ZC3H3: variants seen among roughly 807,000 people sequenced by gnomAD.
The protein encoded by ZC3H3 is zinc finger CCCH domain-containing protein 3.
A neutral mutation model predicts 77.3 loss-of-function variants in ZC3H3; 36 were observed. The observed-to-expected ratio is 0.47, with a 90% CI of 0.36 to 0.61. The LOEUF (loss-of-function observed/expected upper bound fraction) is 0.61, where lower values mean the gene tolerates loss of function less well. ZC3H3 is among the 20% of genes least tolerant of loss of function. The pLI is 0.00. For synonymous variants in ZC3H3, 626 were observed against 555.2 expected, an observed-to-expected ratio of 1.13 and a Z score of -1.79; for missense variants, 1,331 against 1,312.2, an observed-to-expected ratio of 1.01 and a Z score of -0.22.
intron 3 of ZC3H3, among the ~76,000 whole-genome samples, chr8:143,518,501 C>A (rs987023682): frequency 6.6e-6 from 1 of 152,262 alleles, no homozygotes; most frequent in Non-Finnish European, 1.5e-5. Context: ...CGACGTGTCC[C>A]GCTCAGACAG....
At chr8:143,455,457 C>T (rs1820091477) in intron 9 of ZC3H3, among the ~76,000 whole-genome samples, 1 of 152,102 alleles carries the variant, frequency 6.6e-6, no homozygotes, top group African/African-American at 2.4e-5. Context: ...GGTTGTGCCA[C>T]TGCACTGCAC....
intron 8 of ZC3H3, among the ~76,000 whole-genome samples, chr8:143,466,275 G>A (rs1213767030): frequency 1.3e-5 from 2 of 152,194 alleles, no homozygotes; most frequent in African/African-American, 4.8e-5. Flanking sequence ...CCACGGGCCA[G>A]CAGCCAACAG....
At chr8:143,528,923 T>C (rs1424803348) in intron 3 of ZC3H3, among the ~76,000 whole-genome samples, 2 of 152,216 alleles carry the variant, frequency 1.3e-5, no homozygotes, top group Non-Finnish European at 2.9e-5. Flanking sequence ...CACAGCACCT[T>C]CTTAACAGGC....
In ZC3H3 at chr8:143,437,950, A is replaced by C. The variant is rs182357403; in HGVS notation, c.*106T>G. On this transcript the variant is annotated 3_prime_UTR_variant, in exon 12 of 12. Coordinates refer to ENST00000262577, the MANE Select transcript of ZC3H3 (RefSeq NM_015117.3). ...GCAGTGTCCCTGTGGCCCCCAGGTGAGGCTTGGTGGCGGGCGGCCCTCCTG... is the reference window on the plus strand; with the variant it reads ...GCAGTGTCCCTGTGGCCCCCAGGTGCGGCTTGGTGGCGGGCGGCCCTCCTG... 337 of 1,458,726 alleles carry C rather than the reference A, an allele frequency of 2.3e-4. No individual in the cohort carries two copies. In the African/African-American group the frequency reaches 4.0e-3, roughly 17 times the overall value. 90.4% of individuals were successfully genotyped at this position (1,458,726 alleles called of 1,614,324 possible).
At chr8:143,537,869 T>G in intron 2 of ZC3H3, 134 bp downstream of exon 2, 1 of 1,021,242 alleles carries the variant, frequency 9.8e-7, no homozygotes, top group South Asian at 1.6e-5. Flanking sequence ...CAGCAGCACT[T>G]CCTGCCTCAT....
chr8:143,461,254 T>C (rs1012572501), intron 9 of ZC3H3, among the ~76,000 whole-genome samples: 3 of 152,174 alleles, frequency 2.0e-5, no homozygotes, highest in East Asian at 1.9e-4. Context: ...AGCACCCAGG[T>C]GCTCTGCGCA....
intron 4 of ZC3H3, among the ~76,000 whole-genome samples, chr8:143,485,800 A>G (rs1821036097): frequency 6.6e-6 from 1 of 152,246 alleles, no homozygotes; most frequent in Non-Finnish European, 1.5e-5. Context: ...GCCAACACCC[A>G]AAGAGGCCCT....
In ZC3H3 at chr8:143,463,621, T is replaced by TC. The variant is rs149662955; in HGVS notation, c.2307+2095dup. Reference sequence around the variant, plus strand: ...GGTGGAGTTTTCTAGTCTCAGAGTCTCCCCCCAGCAAGACGTATCAGCCGG... The same window carrying TC: ...GGTGGAGTTTTCTAGTCTCAGAGTCTCCCCCCCAGCAAGACGTATCAGCCGG... On this transcript the variant is annotated intron_variant, in intron 9 of 11. Coordinates refer to ENST00000262577, the MANE Select transcript of ZC3H3 (RefSeq NM_015117.3). Among the ~76,000 whole-genome samples, 1,112 of 151,950 alleles carry TC rather than the reference T, an allele frequency of 7.3e-3. 5 individuals are homozygous for TC. The highest frequency in any genetic ancestry group is 0.014 in the Middle Eastern group (4 of 294).
chr8:143,516,242 TA>T (rs1301459555), intron 3 of ZC3H3, among the ~76,000 whole-genome samples: 7 of 152,192 alleles, frequency 4.6e-5, no homozygotes, highest in South Asian at 2.1e-4. Flanking sequence ...ATGAGTCTAA[TA>T]AATCACTCCA....
rs558983713 is a variant in ZC3H3, at chr8:143,462,254, G to A, written c.2307+3463C>T. On this transcript the variant is annotated intron_variant, in intron 9 of 11. Coordinates refer to ENST00000262577, the MANE Select transcript of ZC3H3 (RefSeq NM_015117.3). This position sits in a 1 kb window ranked among gnomAD's most constrained non-coding sequence, Gnocchi z 4.7. The stretch of plus-strand genomic sequence containing the variant: ...TATATAAAAGGAGACTGAGGCCAGA[G>A]GAGGAAGTAACCGTGCAGGGACAAG... Among the ~76,000 whole-genome samples, 2 of 152,296 alleles carry A rather than the reference G, an allele frequency of 1.3e-5. No homozygotes were observed. Among genetic ancestry groups the A allele is most frequent in the African/African-American group, 4.8e-5 (2 of 41,566 alleles).
chr8:143,483,681 C>T (rs73715623), intron 4 of ZC3H3, among the ~76,000 whole-genome samples: 3,985 of 152,282 alleles, frequency 0.026, 172 homozygotes, highest in African/African-American at 0.091. Flanking sequence ...AATCTGACTA[C>T]GTGGTGGCCA....
chr8:143,538,115 C>T lies in ZC3H3; in HGVS notation c.1252G>A (p.Asp418Asn), dbSNP rs766127199. 2.5e-6 allele frequency: 4 copies of T among 1,613,050 alleles called. No individual in the cohort carries two copies. In the African/African-American group the frequency reaches 4.0e-5, roughly 16 times the overall value. Residue 418 changes from aspartate to asparagine, a missense_variant, in exon 2 of 12, where the codon GAC becomes AAC. Physicochemically the swap from Asp to Asn is conservative, Grantham distance 23. Transcript: ENST00000262577. ...SPVLSRSPSG[D>N]RPAVGHSGLK... is the part of the protein sequence containing the mutation. Reference sequence around the variant, plus strand: ...CCACTGTGTCCTACTGCTGGTCTGTCCCCCGACGGGGACCTAGACAGGACT... The same window carrying T: ...CCACTGTGTCCTACTGCTGGTCTGTTCCCCGACGGGGACCTAGACAGGACT...
chr8:143,493,862 C>T lies in ZC3H3; in HGVS notation c.1715+13884G>A, dbSNP rs1054667092. On this transcript the variant is annotated intron_variant, in intron 4 of 11. Coordinates refer to ENST00000262577, the MANE Select transcript of ZC3H3 (RefSeq NM_015117.3). The surrounding 1 kb of genome is among the most constrained non-coding windows in gnomAD (Gnocchi z 4.8). The stretch of plus-strand genomic sequence containing the variant: ...AGTGGTTTAAATTGAAAACCCCCAA[C>T]TGAATCAATATTTACTGCATTGAAA... 2.0e-5 allele frequency among the ~76,000 whole-genome samples: 3 copies of T among 152,218 alleles called. No homozygotes were observed. The highest frequency in any genetic ancestry group is 4.4e-5 in the Non-Finnish European group (3 of 68,044).
At chr8:143,454,080 T>C (rs1355304246) in intron 9 of ZC3H3, among the ~76,000 whole-genome samples, 2 of 14 alleles carry the variant, frequency 0.14, no homozygotes, top group Non-Finnish European at 0.5. Context: ...TAACTTTTTC[T>C]TTTTTTTTTT....
intron 4 of ZC3H3, among the ~76,000 whole-genome samples, chr8:143,496,595 G>T (rs62521928): frequency 2.0e-5 from 3 of 152,188 alleles, no homozygotes; most frequent in Non-Finnish European, 4.4e-5. Flanking sequence ...GGGCAAAGGC[G>T]ACAGGGAAAG....
chr8:143,458,936 T>C (rs1402227209), intron 9 of ZC3H3, among the ~76,000 whole-genome samples: 1 of 150,460 alleles, frequency 6.6e-6, no homozygotes, highest in Non-Finnish European at 1.5e-5. Context: ...GCCTGGGCAA[T>C]ATAGCGAGAC....
chr8:143,530,139 CG>C lies in ZC3H3; in HGVS notation c.1561+6117del, dbSNP rs1822555395. Among the ~76,000 whole-genome samples the C allele has an allele frequency of 6.6e-6, 1 of 152,112 alleles. No individual in the cohort carries two copies. Among genetic ancestry groups the C allele is most frequent in the Non-Finnish European group, 1.5e-5 (1 of 68,012 alleles). On this transcript the variant is annotated intron_variant, in intron 3 of 11. Coordinates refer to ENST00000262577, the MANE Select transcript of ZC3H3 (RefSeq NM_015117.3). This position sits in a 1 kb window ranked among gnomAD's most constrained non-coding sequence, Gnocchi z 4.3. ...TGGCTCCTGTCAAAGCCTGGGCAGC[CG>C]GCAGGCCTCGACCCAGCCTGGTTGT... is the stretch of plus-strand genomic sequence containing the variant.
rs1344751581 is a variant in ZC3H3 at position 143,523,270 on chromosome 8, TC to T, written c.1561+12986del. On this transcript the variant is annotated intron_variant, in intron 3 of 11. Transcript: ENST00000262577. ...CACAACCCTCCAGGCTTGCTCCACG[TC>T]CCCAGGGGCTATAGCAAAGACAGAC... 8.2e-6 allele frequency: 8 copies of T among 974,550 alleles called. No homozygotes were observed. In the East Asian group the frequency reaches 9.1e-4, roughly 111 times the overall value. The allele number at this position is 974,550 out of a possible 1,614,324, so 60.4% of individuals were successfully genotyped here. A position where few individuals can be genotyped will look rare whatever the true frequency, so the allele number is the denominator to read the frequency against.
At position 143,533,503 on chromosome 8, in the gene ZC3H3, C is replaced by T. The variant is rs1822688737; in HGVS notation, c.1561+2754G>A. On this transcript the variant is annotated intron_variant, in intron 3 of 11. Transcript: ENST00000262577. The surrounding 1 kb of genome is among the most constrained non-coding windows in gnomAD (Gnocchi z 4.0). ...GCCTGTCTCCACCACTGGAAGGCGG[C>T]TCCAGCCTCATCATCTCTTCACCTT... Among the ~76,000 whole-genome samples the T allele has an allele frequency of 6.6e-6, 1 of 152,164 alleles. No individual in the cohort carries two copies. The highest frequency in any genetic ancestry group is 1.5e-5 in the Non-Finnish European group (1 of 68,038).
Sources: allele counts gnomAD v4.1 joint callset (sites outside exome capture counted in the v4.1 genomes callset), GRCh38; gene constraint gnomAD v4.1.1; non-coding constraint Gnocchi (gnomAD v3.1); transcripts MANE v1.5; gene names NCBI Gene and HGNC (gene_info 2026-07-23, HGNC 2026-07-21).